FIRRM: variants seen among roughly 807,000 people sequenced by gnomAD.
The protein encoded by FIRRM is FIGNL1 interacting regulator of recombination and mitosis.
At chr1:169,788,656 A>G in the FIRRM span, among the ~76,000 whole-genome samples, 2 of 152,152 alleles carry the variant, frequency 1.3e-5, no homozygotes, top group Non-Finnish European at 2.9e-5. Flanking sequence ...AAGCCTTTAC[A>G]TCCACTTTTT....
the FIRRM span, chr1:169,847,818 C>T: frequency 6.7e-7 from 1 of 1,487,628 alleles, no homozygotes; most frequent in African/African-American, 1.4e-5. Context: ...TATTGCTTAA[C>T]TCTGTTCTTG....
At chr1:169,787,619 T>G in the FIRRM span, among the ~76,000 whole-genome samples, 21 of 152,196 alleles carry the variant, frequency 1.4e-4, no homozygotes, top group Non-Finnish European at 3.1e-4. Context: ...CAAAATCCCA[T>G]TGCCATGGTC....
At chr1:169,812,105 T>C in the FIRRM span, among the ~76,000 whole-genome samples, 1 of 152,224 alleles carries the variant, frequency 6.6e-6, no homozygotes, top group Non-Finnish European at 1.5e-5. Context: ...TACCTGCTTT[T>C]TGAAAATGTA....
chr1:169,853,818 A>T, the FIRRM span: 4 of 1,588,404 alleles, frequency 2.5e-6, no homozygotes, highest in African/African-American at 5.5e-5. Context: ...AACAAATCAT[A>T]TGCAAAAATC....
chr1:169,836,053 A>ATT, the FIRRM span, among the ~76,000 whole-genome samples: 8 of 142,070 alleles, frequency 5.6e-5, no homozygotes, highest in South Asian at 2.2e-4. Flanking sequence ...GTCAGATTTA[A>ATT]TTTTTTTTTT....
At chr1:169,850,980 CTTTTTTT>C in the FIRRM span, 10 of 31,570 alleles carry the variant, frequency 3.2e-4, no homozygotes, top group Non-Finnish European at 4.9e-4. Context: ...TTAGGCATGG[CTTTTTTT>C]TTTTTTTTTT....
chr1:169,813,055 T>G, the FIRRM span, among the ~76,000 whole-genome samples: 1 of 152,128 alleles, frequency 6.6e-6, no homozygotes, highest in African/African-American at 2.4e-5. Context: ...AATCAACATA[T>G]AAGTTAAGAT....
the FIRRM span, chr1:169,795,625 T>C: frequency 1.0e-6 from 1 of 995,984 alleles, no homozygotes; most frequent in Non-Finnish European, 1.2e-6. Flanking sequence ...AGCGAGATAC[T>C]CTGAGCTTTT....
the FIRRM span, among the ~76,000 whole-genome samples, chr1:169,836,053 ATTTT>A: frequency 0.016 from 2,261 of 142,098 alleles, 56 homozygotes; most frequent in African/African-American, 0.053. Context: ...GTCAGATTTA[ATTTT>A]TTTTTTTTTT....
chr1:169,830,849 G>A, the FIRRM span: 3 of 1,058,500 alleles, frequency 2.8e-6, no homozygotes, highest in Admixed American at 1.8e-5. Flanking sequence ...AAATATCACA[G>A]TAACAAGATT....
chr1:169,802,063 G>A, the FIRRM span, among the ~76,000 whole-genome samples: 1 of 152,156 alleles, frequency 6.6e-6, no homozygotes, highest in African/African-American at 2.4e-5. Context: ...TAAATTGTTA[G>A]AAAGATCCAA....
the FIRRM span, among the ~76,000 whole-genome samples, chr1:169,816,236 G>T: frequency 6.6e-6 from 1 of 152,198 alleles, no homozygotes; most frequent in South Asian, 2.1e-4. Context: ...GCTGATTCCA[G>T]TATGGGCCCA....
chr1:169,845,381 G>T, the FIRRM span, among the ~76,000 whole-genome samples: 1 of 152,188 alleles, frequency 6.6e-6, no homozygotes, highest in East Asian at 1.9e-4. Context: ...GGTTGCTGAA[G>T]GTTAGGGTGG....
At chr1:169,794,899 C>T in the FIRRM span, 3 of 568,850 alleles carry the variant, frequency 5.3e-6, no homozygotes, top group Non-Finnish European at 9.4e-6. Flanking sequence ...ACCTAAATCG[C>T]GCACCAGTGA....
the FIRRM span, chr1:169,795,486 C>T: frequency 1.2e-5 from 15 of 1,237,188 alleles, no homozygotes; most frequent in Non-Finnish European, 1.4e-5. Context: ...TCTTCCATTC[C>T]TTCTTTCAGT....
the FIRRM span, among the ~76,000 whole-genome samples, chr1:169,816,147 T>C: frequency 1.3e-5 from 2 of 152,142 alleles, no homozygotes; most frequent in African/African-American, 2.4e-5. Flanking sequence ...TCTACAACAG[T>C]AAAGCAAAAT....
At chr1:169,799,008 A>G in the FIRRM span, 1 of 737,224 alleles carries the variant, frequency 1.4e-6, no homozygotes, top group South Asian at 1.8e-5. Flanking sequence ...TTAAGGTCCG[A>G]GTCCCCACAT....
the FIRRM span, chr1:169,793,669 T>C: frequency 7.5e-6 from 12 of 1,596,866 alleles, no homozygotes; most frequent in Non-Finnish European, 9.4e-6. Context: ...GATGGTCTTC[T>C]ATAGTGAAAT....
chr1:169,836,640 A>G, the FIRRM span, among the ~76,000 whole-genome samples: 8 of 152,252 alleles, frequency 5.3e-5, no homozygotes, highest in South Asian at 2.1e-4. Context: ...TAGGAGCATG[A>G]TAAGATATCT....
Sources: gnomAD v4.1 joint callset for allele counts (sites outside exome capture counted in the v4.1 genomes callset) on GRCh38, gnomAD v4.1.1 for gene constraint, MANE v1.5 for transcripts, NCBI Gene and HGNC (gene_info 2026-07-23, HGNC 2026-07-21) for gene names.